DSCAM: variants seen among roughly 807,000 people sequenced by gnomAD.
DSCAM encodes the protein DS cell adhesion molecule, also known as cell adhesion molecule DSCAM.
DSCAM carries 47 observed loss-of-function variants against 217.7 expected under a neutral mutation model. That is an observed-to-expected ratio of 0.22 (90% confidence interval 0.17 to 0.28). The LOEUF (loss-of-function observed/expected upper bound fraction) is 0.28, where lower values mean the gene tolerates loss of function less well. DSCAM is among the 10% of genes least tolerant of loss of function. DSCAM has a pLI of 1.00. For synonymous variants in DSCAM, 1,056 were observed against 1,015.3 expected (o/e 1.04, Z -0.76); for missense variants, 2,080 against 2,618.3 (o/e 0.79, Z 4.49).
intron 3 of DSCAM, among the ~76,000 whole-genome samples, chr21:40,404,921 T>A (rs73359129): frequency 1.3e-5 from 2 of 152,200 alleles, no homozygotes; most frequent in Admixed American, 1.3e-4. Flanking sequence ...ACCTAGGCAA[T>A]AGATTCTAGG....
intron 3 of DSCAM, among the ~76,000 whole-genome samples, chr21:40,379,184 G>T (rs2074995880): frequency 6.6e-6 from 1 of 152,182 alleles, no homozygotes; most frequent in Non-Finnish European, 1.5e-5. Flanking sequence ...ATCATGAGTG[G>T]ATTAGAGGAA....
intron 19 of DSCAM, 86 bp downstream of exon 19, chr21:40,133,768 A>G (rs1287409817): frequency 2.0e-6 from 3 of 1,472,820 alleles, no homozygotes; most frequent in African/African-American, 2.8e-5. Context: ...GAATAGCCTG[A>G]TGAACTGCAG....
At chr21:40,525,778 G>C (rs1446802174) in intron 3 of DSCAM, among the ~76,000 whole-genome samples, 1 of 152,188 alleles carries the variant, frequency 6.6e-6, no homozygotes. Flanking sequence ...TTCACTTAAT[G>C]TTTTGAGGTA....
chr21:40,303,169 A>G (rs1434242941), intron 9 of DSCAM, among the ~76,000 whole-genome samples: 1 of 152,152 alleles, frequency 6.6e-6, no homozygotes, highest in Admixed American at 6.6e-5. Context: ...GATTTAATTT[A>G]CGACACTGAC....
At chr21:40,103,803 T>C (rs936065572) in intron 20 of DSCAM, among the ~76,000 whole-genome samples, 11 of 150,592 alleles carry the variant, frequency 7.3e-5, no homozygotes, top group African/African-American at 2.4e-4. Flanking sequence ...CATATATATA[T>C]ATATGACTAT....
chr21:40,326,728 A>G (rs9982966), intron 8 of DSCAM, among the ~76,000 whole-genome samples: 8,952 of 152,192 alleles, frequency 0.059, 357 homozygotes, highest in Middle Eastern at 0.088. Context: ...GAACCACTGC[A>G]CAGATCGTGC....
At chr21:40,137,972 A>C (rs917570776) in intron 18 of DSCAM, among the ~76,000 whole-genome samples, 3 of 152,234 alleles carry the variant, frequency 2.0e-5, no homozygotes, top group African/African-American at 7.2e-5. Context: ...GTAACTTTTC[A>C]AAGGATACAA....
chr21:40,813,202 A>G (rs1195591713), intron 1 of DSCAM, among the ~76,000 whole-genome samples: 1 of 152,254 alleles, frequency 6.6e-6, no homozygotes, highest in Non-Finnish European at 1.5e-5. Context: ...ACACCATTTC[A>G]TTCCATAAAA....
At chr21:40,596,781 C>T (rs946219348) in intron 3 of DSCAM, among the ~76,000 whole-genome samples, 5 of 152,036 alleles carry the variant, frequency 3.3e-5, no homozygotes, top group Admixed American at 1.3e-4. Context: ...ATGTGATCTA[C>T]GACCTGACCA....
intron 10 of DSCAM, among the ~76,000 whole-genome samples, chr21:40,291,637 C>A (rs149129249): frequency 6.6e-6 from 1 of 152,230 alleles, no homozygotes; most frequent in African/African-American, 2.4e-5. Flanking sequence ...CCTCACCTTC[C>A]GGTCTCCCTC....
In DSCAM at chr21:40,386,862, TAGATAAAATTCCCTCTAGGATTTTA is replaced by T. The variant is rs978514300; in HGVS notation, c.509-17642_509-17618del. On this transcript the variant is annotated intron_variant, in intron 3 of 32. Coordinates refer to ENST00000400454, the MANE Select transcript of DSCAM (RefSeq NM_001389.5). ...TTACAACCATCTAATGAATTTTCTTTAGATAAAATTCCCTCTAGGATTTTAAGATAAAATTCCCTCTAGGATTAAG... is the reference window on the plus strand; with the variant it reads ...TTACAACCATCTAATGAATTTTCTTTAGATAAAATTCCCTCTAGGATTAAG... Among the ~76,000 whole-genome samples, 21 of 152,324 alleles carry T rather than the reference TAGATAAAATTCCCTCTAGGATTTTA, an allele frequency of 1.4e-4. No homozygotes were observed. The East Asian group carries it at 2.5e-3, about 18-fold the overall frequency.
chr21:40,462,538 C>T (rs1052424513), intron 3 of DSCAM, among the ~76,000 whole-genome samples: 1 of 152,152 alleles, frequency 6.6e-6, no homozygotes, highest in African/African-American at 2.4e-5. Context: ...ATCTTTGTTG[C>T]ACCCAAGACC....
At chr21:40,252,024 T>A (rs747151395) in intron 11 of DSCAM, among the ~76,000 whole-genome samples, 7 of 152,060 alleles carry the variant, frequency 4.6e-5, no homozygotes, top group Non-Finnish European at 1.0e-4. Context: ...TGGAAGCAGA[T>A]CCCCACTTGA....
chr21:40,467,137 A>C (rs538385760), intron 3 of DSCAM, among the ~76,000 whole-genome samples: 2 of 152,352 alleles, frequency 1.3e-5, no homozygotes, highest in South Asian at 4.1e-4. Flanking sequence ...GTATTTAAAC[A>C]ATCAAGACAA....
intron 3 of DSCAM, among the ~76,000 whole-genome samples, chr21:40,597,463 T>TGA (rs200950110): frequency 6.6e-6 from 1 of 150,682 alleles, no homozygotes; most frequent in African/African-American, 2.5e-5. Context: ...AGCCGGTTTT[T>TGA]TTTTTTTTTT....
At chr21:40,829,720 C>G (rs369188293) in intron 1 of DSCAM, among the ~76,000 whole-genome samples, 1 of 152,066 alleles carries the variant, frequency 6.6e-6, no homozygotes, top group East Asian at 1.9e-4. Context: ...ATTTTTAATC[C>G]AAATACCATA....
chr21:40,264,129 AAAG>A lies in DSCAM; in HGVS notation c.2356+11965_2356+11967del, dbSNP rs371530400. 4.1e-4 allele frequency among the ~76,000 whole-genome samples: 62 copies of A among 152,276 alleles called. 1 individual carries two copies. The South Asian group carries it at 8.5e-3, about 21-fold the overall frequency. ...ACCTAAATTCTACCAGACATTCAAA[AAAG>A]AATTGGTACCAATCCTTCTGAAATT... On this transcript the variant is annotated intron_variant, in intron 11 of 32. Transcript: ENST00000400454.
At chr21:40,266,635 T>TTATATATATATATATATCTA (rs2073531954) in intron 11 of DSCAM, among the ~76,000 whole-genome samples, 1 of 62,628 alleles carries the variant, frequency 1.6e-5, no homozygotes, top group African/African-American at 8.4e-5. Flanking sequence ...CAAAGATGTT[T>TTATATATATATATATATCTA]TATATATATA....
At chr21:40,367,765 T>C (rs2074849429) in intron 4 of DSCAM, among the ~76,000 whole-genome samples, 1 of 152,180 alleles carries the variant, frequency 6.6e-6, no homozygotes, top group Non-Finnish European at 1.5e-5. Flanking sequence ...CTCAGTCTTA[T>C]TCCTTGGCTA....
Sources: allele counts gnomAD v4.1 joint callset (sites outside exome capture counted in the v4.1 genomes callset), GRCh38; gene constraint gnomAD v4.1.1; transcripts MANE v1.5; gene names NCBI Gene and HGNC (gene_info 2026-07-23, HGNC 2026-07-21).